The following MME variants were observed in gnomAD, a reference collection of about 807,000 sequenced individuals.
MME encodes the protein membrane metalloendopeptidase.
In MME, 98 loss-of-function variants were observed where a neutral mutation model predicts 113.2. The ratio of observed to expected loss-of-function variants is 0.87; its 90% CI spans 0.74 to 1.02. The LOEUF is 1.02. Ranked by LOEUF, MME falls within the 50% of genes least tolerant of loss-of-function variation. The pLI is 0.00. For missense variants in MME, 836 were observed against 896.0 expected (o/e 0.93, Z 0.86); for synonymous variants, 292 against 300.6 (o/e 0.97, Z 0.30).
chr3:155,153,927 C>A (rs1257572077), intron 16 of MME, among the ~76,000 whole-genome samples: 1 of 152,142 alleles, frequency 6.6e-6, no homozygotes, highest in Non-Finnish European at 1.5e-5. Flanking sequence ...AAAATTAAAT[C>A]TGATGAAAGG....
intron 1 of MME, among the ~76,000 whole-genome samples, chr3:155,069,807 A>T (rs1714495518): frequency 6.6e-6 from 1 of 152,166 alleles, no homozygotes; most frequent in Admixed American, 6.5e-5. Context: ...AGGCTCCATT[A>T]CCTTCAGCTA....
At chr3:155,064,886 TG>T (rs1395416349) in intron 1 of MME, among the ~76,000 whole-genome samples, 1 of 152,202 alleles carries the variant, frequency 6.6e-6, no homozygotes, top group Non-Finnish European at 1.5e-5. Flanking sequence ...CAACAACCTT[TG>T]GTGTCCTTTG....
intron 1 of MME, chr3:155,083,848 G>C: frequency 3.0e-6 from 1 of 336,092 alleles, no homozygotes. Context: ...ATAAACTGCT[G>C]AATTAATCCT....
intron 16 of MME, among the ~76,000 whole-genome samples, chr3:155,154,538 A>G (rs966758303): frequency 6.6e-6 from 1 of 152,146 alleles, no homozygotes; most frequent in African/African-American, 2.4e-5. Context: ...CTTACTGTGA[A>G]GTTTTCATAA....
chr3:155,133,039 TAAAA>T lies in MME; in HGVS notation c.721-5042_721-5039del, dbSNP rs796968290. Among the ~76,000 whole-genome samples, 164 of 47,872 alleles carry T rather than the reference TAAAA, an allele frequency of 3.4e-3. 1 individual carries two copies. The highest frequency in any genetic ancestry group is 3.9e-3 in the African/African-American group (50 of 12,878). 31.4% of individuals were successfully genotyped at this position (47,872 alleles called of 152,430 possible). On this transcript the variant is annotated intron_variant, in intron 8 of 22. Coordinates refer to ENST00000360490, the MANE Select transcript of MME (RefSeq NM_007289.4). Reference sequence around the variant, plus strand: ...CTGGGCAACAAGAGCAAACCCCGTCTAAAAAAAAAAAAAAAAAAAAAAAATATAT... The same window carrying T: ...CTGGGCAACAAGAGCAAACCCCGTCTAAAAAAAAAAAAAAAAAAAATATAT...
chr3:155,077,016 C>T (rs557684892), upstream of MME, among the ~76,000 whole-genome samples: 1 of 152,210 alleles, frequency 6.6e-6, no homozygotes, highest in East Asian at 1.9e-4. Context: ...ATACCTTGTG[C>T]CAACCGACCT....
At chr3:155,093,902 A>G (rs901925482) in intron 3 of MME, among the ~76,000 whole-genome samples, 6 of 151,930 alleles carry the variant, frequency 3.9e-5, no homozygotes, top group Admixed American at 6.6e-5. Flanking sequence ...AAAAGTCAAG[A>G]ACCAAATTTG....
intron 16 of MME, among the ~76,000 whole-genome samples, chr3:155,159,602 TATC>T (rs1722566307): frequency 6.6e-6 from 1 of 151,932 alleles, no homozygotes; most frequent in Non-Finnish European, 1.5e-5. Flanking sequence ...TCCCTCAAAT[TATC>T]ATCTGGGAGC....
intron 14 of MME, among the ~76,000 whole-genome samples, chr3:155,146,427 G>A (rs778237817): frequency 7.2e-5 from 11 of 151,902 alleles, no homozygotes; most frequent in Admixed American, 1.3e-4. Context: ...TTGGGAGGCT[G>A]AAATGGGAAG....
chr3:155,142,265 T>C lies in MME; in HGVS notation c.1123T>C (p.Phe375Leu), dbSNP rs201199411. ...TCTTCAAAATTTAATGTCCTGGAGA[T>C]TCATAATGGATCTTGTAAGCAGCCT... is the stretch of plus-strand genomic sequence containing the variant. ...RDLQNLMSWR[F>L]IMDLVSSLSR... Residue 375 changes from phenylalanine (F) to leucine (L), a missense_variant, in exon 12 of 23, where the codon TTC (phenylalanine) becomes CTC (leucine). Coordinates refer to ENST00000360490, the MANE Select transcript of MME (RefSeq NM_007289.4). 9.9e-6 allele frequency: 16 copies of C among 1,613,524 alleles called. No individual in the cohort carries two copies. Among genetic ancestry groups the C allele is most frequent in the Non-Finnish European group, 1.3e-5 (15 of 1,179,706 alleles).
At chr3:155,033,351 A>G (rs1273492958) in intron 1 of MME, among the ~76,000 whole-genome samples, 1 of 152,234 alleles carries the variant, frequency 6.6e-6, no homozygotes, top group African/African-American at 2.4e-5. Context: ...ACGTTAGAAT[A>G]GACAATATTG....
upstream of MME, among the ~76,000 whole-genome samples, chr3:155,077,241 T>G (rs1714778093): frequency 6.6e-6 from 1 of 152,126 alleles, no homozygotes; most frequent in African/African-American, 2.4e-5. Flanking sequence ...TTAAAGGACT[T>G]AAAAAAATTC....
intron 9 of MME, among the ~76,000 whole-genome samples, 179 bp downstream of exon 9, chr3:155,138,415 A>G (rs551137017): frequency 6.6e-6 from 1 of 152,274 alleles, no homozygotes; most frequent in East Asian, 1.9e-4. Context: ...TTTTATAGTA[A>G]ACTGGGTTCC....
At chr3:155,130,711 A>G (rs1720078328) in intron 8 of MME, among the ~76,000 whole-genome samples, 1 of 152,172 alleles carries the variant, frequency 6.6e-6, no homozygotes, top group Admixed American at 6.5e-5. Context: ...TGCAAGCTGG[A>G]ACTGGGATTA....
chr3:155,138,371 C>A, intron 9 of MME, 135 bp downstream of exon 9: 2 of 844,408 alleles, frequency 2.4e-6, no homozygotes, highest in Non-Finnish European at 3.7e-6. Flanking sequence ...GGTAATAGAT[C>A]ATTGACTTCA....
rs759629131 is a variant in MME, at chr3:155,116,699, A to G, written c.475A>G (p.Lys159Glu). The change falls in exon 6 of 23, where the codon AAA (lysine) becomes GAA (glutamate). Residue 159 changes from lysine to glutamate, a missense_variant. Physicochemically the swap from Lys to Glu is moderately conservative, Grantham distance 56. Coordinates refer to ENST00000360490, the MANE Select transcript of MME (RefSeq NM_007289.4). ...IDSRGGEPLL[K>E]LLPDIYGWPV... ...TAGCAGAGGTGGAGAACCTCTACTC[A>G]AACTGTTACCAGACATATATGGGTG... 6.2e-7 allele frequency: 1 copy of G among 1,613,508 alleles called. No homozygotes were observed. Among genetic ancestry groups the G allele is most frequent in the Non-Finnish European group, 8.5e-7 (1 of 1,179,770 alleles).
intron 12 of MME, among the ~76,000 whole-genome samples, chr3:155,143,083 A>G (rs1721239367): frequency 1.3e-5 from 2 of 152,166 alleles, no homozygotes; most frequent in African/African-American, 4.8e-5. Context: ...GAAAAGCAGT[A>G]ATGTGTTTTC....
intron 16 of MME, chr3:155,158,872 C>CG (rs1426186565): frequency 6.6e-6 from 1 of 151,404 alleles, no homozygotes; most frequent in Non-Finnish European, 1.5e-5. Context: ...ATTATCAGTC[C>CG]CCCCCCATCC....
At chr3:155,178,276 T>G (rs919261736) in intron 22 of MME, among the ~76,000 whole-genome samples, 3 of 152,090 alleles carry the variant, frequency 2.0e-5, no homozygotes, top group Admixed American at 2.0e-4. Context: ...ACATCCTCCA[T>G]GAAAGATAGG....
Sources: gnomAD v4.1 joint callset for allele counts (sites outside exome capture counted in the v4.1 genomes callset) on GRCh38, gnomAD v4.1.1 for gene constraint, MANE v1.5 for transcripts, NCBI Gene and HGNC (gene_info 2026-07-23, HGNC 2026-07-21) for gene names.